GSE1: variants seen among roughly 807,000 people sequenced by gnomAD.
The protein encoded by GSE1 is genetic suppressor element 1.
A neutral mutation model predicts 112.6 loss-of-function variants in GSE1; 32 were observed. That is an observed-to-expected ratio of 0.28 (90% CI 0.21 to 0.38). GSE1 has a LOEUF of 0.38. GSE1 is among the 10% of genes least tolerant of loss of function. The pLI is 1.00. For synonymous variants in GSE1, 1,115 were observed against 735.6 expected (o/e 1.52, Z -8.35); for missense variants, 2,348 against 1,699.2 (o/e 1.38, Z -6.71).
intron 2 of GSE1, among the ~76,000 whole-genome samples, chr16:85,527,645 G>C (rs2052406197): frequency 6.6e-6 from 1 of 152,264 alleles, no homozygotes; most frequent in African/African-American, 2.4e-5. Flanking sequence ...CTACCCCGGT[G>C]GGAAGCGGGG....
At chr16:85,601,600 G>C (rs2047468076) in intron 1 of GSE1, among the ~76,000 whole-genome samples, 1 of 152,160 alleles carries the variant, frequency 6.6e-6, no homozygotes, top group African/African-American at 2.4e-5. Flanking sequence ...AAGGGCCACA[G>C]GCGGCTGACT....
Position 85,661,379 on chromosome 16 carries a change from T to G in GSE1, c.1874T>G (p.Val625Gly). Residue 625 changes from valine to glycine, a missense_variant, in exon 9 of 16, where the codon GTG becomes GGG. By Grantham distance (109) the Val-to-Gly change is moderately radical (BLOSUM62 -3). Coordinates refer to ENST00000253458, the MANE Select transcript of GSE1 (RefSeq NM_014615.5). ...SRQAAVPLVK[V>G]ERVFCPEKAE... ...CAGGCAGCCGTGCCGCTGGTGAAGG[T>G]GGAGCGGGTCTTCTGCCCGGAGAAA... 4.3e-6 allele frequency: 7 copies of G among 1,612,218 alleles called. No homozygotes were observed. Among genetic ancestry groups the G allele is most frequent in the Non-Finnish European group, 5.9e-6 (7 of 1,179,682 alleles).
At chr16:85,318,931 G>C (rs1005651152) in intron 1 of GSE1, among the ~76,000 whole-genome samples, 10 of 152,250 alleles carry the variant, frequency 6.6e-5, no homozygotes, top group Non-Finnish European at 1.5e-4. Context: ...GGATGAGGCA[G>C]TGTTTAAGGC....
chr16:85,492,676 C>G (rs1201079620), intron 2 of GSE1, among the ~76,000 whole-genome samples: 1 of 152,134 alleles, frequency 6.6e-6, no homozygotes, highest in Admixed American at 6.5e-5. Context: ...ATTCAGCGCC[C>G]TTAAGTAGCC....
In GSE1 at chr16:85,661,439, C is replaced by G. The variant is rs1419534976; in HGVS notation, c.1934C>G (p.Pro645Arg). The change falls in exon 9 of 16, where the codon CCT becomes CGT. Residue 645 changes from proline (P) to arginine (R), a missense_variant. Transcript: ENST00000253458. ...EEGPRKREPA[P>R]LDKYQPPPPP... Reference sequence around the variant, plus strand: ...GGGCCACGGAAGCGTGAGCCTGCCCCTCTGGACAAGTACCAGCCACCTCCG... The same window carrying G: ...GGGCCACGGAAGCGTGAGCCTGCCCGTCTGGACAAGTACCAGCCACCTCCG... 6 of 1,612,086 alleles carry G rather than the reference C, an allele frequency of 3.7e-6. No individual in the cohort carries two copies. The highest frequency in any genetic ancestry group is 1.1e-5 in the South Asian group (1 of 91,038).
chr16:85,330,446 C>T (rs546944903), intron 1 of GSE1, among the ~76,000 whole-genome samples: 30 of 152,346 alleles, frequency 2.0e-4, no homozygotes, highest in Non-Finnish European at 3.5e-4. Flanking sequence ...AGACCCAAGT[C>T]GGATTTCTGA....
intron 2 of GSE1, among the ~76,000 whole-genome samples, chr16:85,409,294 T>C (rs546760030): frequency 2.9e-5 from 1 of 34,824 alleles, no homozygotes; most frequent in South Asian, 1.6e-3. Context: ...TAATCCTCAC[T>C]GTTACACTCA....
At chr16:85,460,650 C>T (rs2049944728) in intron 2 of GSE1, among the ~76,000 whole-genome samples, 2 of 152,242 alleles carry the variant, frequency 1.3e-5, no homozygotes, top group Non-Finnish European at 2.9e-5. Context: ...CCTCTCCTTG[C>T]CCGAGCTAAT....
intron 1 of GSE1, among the ~76,000 whole-genome samples, chr16:85,327,055 G>T (rs1382683817): frequency 6.6e-6 from 1 of 152,224 alleles, no homozygotes; most frequent in Non-Finnish European, 1.5e-5. Flanking sequence ...AAGACAGTGC[G>T]TGCACCTACC....
intron 1 of GSE1, among the ~76,000 whole-genome samples, chr16:85,226,756 C>G (rs1437538656): frequency 8.0e-6 from 1 of 124,934 alleles, no homozygotes; most frequent in African/African-American, 3.2e-5. Context: ...GCTGCCTGGA[C>G]TGGTGTGTGT....
chr16:85,571,888 G>T (rs1481256604), intron 1 of GSE1, among the ~76,000 whole-genome samples: 1 of 152,144 alleles, frequency 6.6e-6, no homozygotes, highest in Non-Finnish European at 1.5e-5. Flanking sequence ...TGAGTTGGGC[G>T]TGGGGGCACA....
intron 2 of GSE1, among the ~76,000 whole-genome samples, chr16:85,417,759 C>T (rs145738055): frequency 3.3e-5 from 5 of 152,366 alleles, no homozygotes; most frequent in East Asian, 1.9e-4. Flanking sequence ...CGTCGCAGGA[C>T]GTGTTACAGT....
At chr16:85,335,433 G>A (rs1205273476) in intron 1 of GSE1, among the ~76,000 whole-genome samples, 4 of 152,362 alleles carry the variant, frequency 2.6e-5, no homozygotes, top group African/African-American at 7.2e-5. Context: ...TAATTAGCGC[G>A]GAGCCGGGAG....
chr16:85,588,116 T>C (rs1263183579), intron 1 of GSE1, among the ~76,000 whole-genome samples: 1 of 152,162 alleles, frequency 6.6e-6, no homozygotes, highest in Non-Finnish European at 1.5e-5. Context: ...ACGCTGTCCT[T>C]GCCAGCTTCA....
chr16:85,507,981 G>A (rs1399954378), intron 2 of GSE1, among the ~76,000 whole-genome samples: 2 of 152,080 alleles, frequency 1.3e-5, no homozygotes, highest in African/African-American at 4.8e-5. Context: ...TCCCCCAGAA[G>A]CCCCCTGTGG....
chr16:85,555,089 C>T (rs889504992), upstream of GSE1: 2 of 985,286 alleles, frequency 2.0e-6, no homozygotes, highest in Admixed American at 6.1e-5. Context: ...GAAGATGCCG[C>T]GTAGAGACGG....
At chr16:85,309,700 C>G (rs942446575) in intron 1 of GSE1, among the ~76,000 whole-genome samples, 1 of 152,240 alleles carries the variant, frequency 6.6e-6, no homozygotes, top group Non-Finnish European at 1.5e-5. Flanking sequence ...ATGATCCATT[C>G]TCAGCTGCTG....
At chr16:85,176,730 C>G (rs942108198) in intron 1 of GSE1, among the ~76,000 whole-genome samples, 5 of 152,240 alleles carry the variant, frequency 3.3e-5, no homozygotes, top group African/African-American at 1.2e-4. Flanking sequence ...GTGTGGCCTC[C>G]GAGCCCAGAA....
intron 2 of GSE1, among the ~76,000 whole-genome samples, chr16:85,444,015 T>G (rs1236526487): frequency 8.3e-6 from 1 of 119,956 alleles, no homozygotes; most frequent in African/African-American, 3.0e-5. Flanking sequence ...AGACGGAGTC[T>G]TGATCTGTCG....
Sources: allele counts gnomAD v4.1 joint callset (sites outside exome capture counted in the v4.1 genomes callset), GRCh38; gene constraint gnomAD v4.1.1; transcripts MANE v1.5; gene names NCBI Gene and HGNC (gene_info 2026-07-23, HGNC 2026-07-21).